Variants in TRPC6 observed in about 807,000 individuals in gnomAD.
TRPC6 encodes transient receptor potential cation channel subfamily C member 6.
Under a neutral mutation model 90.7 loss-of-function variants are expected in TRPC6, and 55 were observed. The observed-to-expected ratio is 0.61, with a 90% CI of 0.49 to 0.76. The LOEUF is 0.76. Among genes scored for constraint, TRPC6 ranks in the 30% least tolerant of loss-of-function variants. TRPC6 has a pLI of 0.00. For missense variants in TRPC6, 989 were observed against 1,122.7 expected (o/e 0.88, Z 1.70); for synonymous variants, 393 against 393.0 (o/e 1.00, Z 0.00).
chr11:101,488,870 A>G, intron 4 of TRPC6, 67 bp downstream of exon 4: 1 of 1,581,318 alleles, frequency 6.3e-7, no homozygotes, highest in East Asian at 2.2e-5. Context: ...CACTTTGGAG[A>G]TAAGATTTTT....
At chr11:101,561,760 C>T (rs1028546589) in intron 1 of TRPC6, among the ~76,000 whole-genome samples, 3 of 151,180 alleles carry the variant, frequency 2.0e-5, no homozygotes, top group Admixed American at 6.6e-5. Context: ...AAAACAATTA[C>T]AATATAAGCA....
intron 1 of TRPC6, among the ~76,000 whole-genome samples, chr11:101,507,006 A>AACACACACACACAC (rs10590147): frequency 9.9e-5 from 13 of 131,082 alleles, no homozygotes; most frequent in African/African-American, 3.4e-4. Context: ...CTCTCTCTCT[A>AACACACACACACAC]ACACACACAC....
intron 1 of TRPC6, among the ~76,000 whole-genome samples, chr11:101,534,197 G>A (rs1004735014): frequency 3.9e-5 from 6 of 151,928 alleles, no homozygotes; most frequent in Admixed American, 2.6e-4. Context: ...GTGCAGTGGC[G>A]CCATCTCAGC....
chr11:101,538,695 A>C (rs1322145127), intron 1 of TRPC6, among the ~76,000 whole-genome samples: 1 of 152,246 alleles, frequency 6.6e-6, no homozygotes, highest in Non-Finnish European at 1.5e-5. Flanking sequence ...CAGGAGACGT[A>C]AGGCAGAATG....
At chr11:101,505,580 C>T (rs922032696) in intron 1 of TRPC6, among the ~76,000 whole-genome samples, 1 of 152,096 alleles carries the variant, frequency 6.6e-6, no homozygotes, top group Admixed American at 6.6e-5. Context: ...GCAATAAATG[C>T]TTGAACTCTG....
At chr11:101,497,227 CAG>C (rs1224546485) in intron 2 of TRPC6, among the ~76,000 whole-genome samples, 2 of 152,184 alleles carry the variant, frequency 1.3e-5, no homozygotes, top group Non-Finnish European at 2.9e-5. Flanking sequence ...CTGTAAATAA[CAG>C]AATAATTCAT....
intron 1 of TRPC6, among the ~76,000 whole-genome samples, chr11:101,567,545 C>G (rs1450819193): frequency 6.6e-6 from 1 of 152,196 alleles, no homozygotes; most frequent in African/African-American, 2.4e-5. Flanking sequence ...GCAAGTGGTT[C>G]CCTGAACCCC....
At chr11:101,540,657 T>G (rs1861147351) in intron 1 of TRPC6, among the ~76,000 whole-genome samples, 1 of 152,204 alleles carries the variant, frequency 6.6e-6, no homozygotes, top group Non-Finnish European at 1.5e-5. Flanking sequence ...TAACTTAATA[T>G]TAAAAATAAT....
chr11:101,527,343 A>G (rs943305584), intron 1 of TRPC6, among the ~76,000 whole-genome samples: 1 of 152,190 alleles, frequency 6.6e-6, no homozygotes, highest in Non-Finnish European at 1.5e-5. Context: ...ATATTTAATT[A>G]TAATACAAAC....
chr11:101,506,686 A>G (rs926861044), intron 1 of TRPC6, among the ~76,000 whole-genome samples: 3 of 152,168 alleles, frequency 2.0e-5, no homozygotes, highest in Non-Finnish European at 4.4e-5. Flanking sequence ...AATTTCTAAA[A>G]TGGGTCATTA....
At position 101,471,385 on chromosome 11, in the gene TRPC6, T is replaced by C; in HGVS notation, c.2207A>G (p.Asp736Gly). The C allele has an allele frequency of 1.2e-6, 2 of 1,613,734 alleles. No homozygotes were observed. Among genetic ancestry groups the C allele is most frequent in the Non-Finnish European group, 1.7e-6 (2 of 1,179,778 alleles). ...AAATTTCCACTCCACATCAGCGTCA[T>C]CCTATACAAATACACATGACAGTTC... ...MINSSFQEIE[D>G]DADVEWKFAR... The change falls in exon 9 of 13, where the codon GAT becomes GGT. Residue 736 changes from aspartate (D) to glycine (G), a missense_variant and splice_region_variant. By Grantham distance (94) the Asp-to-Gly change is moderately conservative (BLOSUM62 -1). This residue lies in a region of TRPC6 where 118 missense variants were observed against 197.6 expected (regional missense o/e 0.60). Coordinates refer to ENST00000344327, the MANE Select transcript of TRPC6 (RefSeq NM_004621.6).
Position 101,491,684 on chromosome 11 carries a change from C to G in TRPC6, c.1000G>C (p.Asp334His). ...ACTTCTTCAGTGTTTCTGCACAGAT[C>G]AAGGAGTCCAACAACAAAGTCTTTG... The part of the protein sequence containing the change: ...QCKDFVVGLL[D>H]LCRNTEEVEA... The change falls in exon 3 of 13, where the codon GAT becomes CAT. Residue 334 changes from aspartate to histidine, a missense_variant. Transcript: ENST00000344327. The G allele has an allele frequency of 6.2e-7, 1 of 1,613,920 alleles. No individual in the cohort carries two copies. The highest frequency in any genetic ancestry group is 8.5e-7 in the Non-Finnish European group (1 of 1,179,988).
chr11:101,572,468 G>A (rs1275819097), intron 1 of TRPC6, among the ~76,000 whole-genome samples: 1 of 152,148 alleles, frequency 6.6e-6, no homozygotes, highest in Non-Finnish European at 1.5e-5. Context: ...CAAGTGTCTA[G>A]AACTAGAAAT....
chr11:101,491,212 C>T (rs1565214789), intron 3 of TRPC6, among the ~76,000 whole-genome samples: 1 of 151,960 alleles, frequency 6.6e-6, no homozygotes, highest in South Asian at 2.1e-4. Flanking sequence ...TTTAGGAGGC[C>T]GAGGCGGGCG....
chr11:101,523,867 A>T (rs578061560), intron 1 of TRPC6, among the ~76,000 whole-genome samples: 24 of 152,362 alleles, frequency 1.6e-4, no homozygotes, highest in African/African-American at 5.5e-4. Flanking sequence ...TTCAGAATGG[A>T]GATGGTGATT....
intron 1 of TRPC6, among the ~76,000 whole-genome samples, chr11:101,569,940 G>A (rs901925304): frequency 4.6e-5 from 7 of 151,618 alleles, no homozygotes; most frequent in Admixed American, 1.3e-4. Flanking sequence ...ATTGACACCC[G>A]AACATCATAA....
intron 10 of TRPC6, 82 bp downstream of exon 10, chr11:101,469,345 T>C: frequency 1.4e-6 from 1 of 704,350 alleles, no homozygotes. Context: ...CTTGCTAAAA[T>C]TGCTTCTGAA....
Position 101,480,384 on chromosome 11 carries a change from G to A in TRPC6, c.1510+2565C>T, listed in dbSNP as rs1056475383. Among the ~76,000 whole-genome samples, 10 of 151,870 alleles carry A rather than the reference G, an allele frequency of 6.6e-5. 1 individual carries two copies. The highest frequency in any genetic ancestry group is 6.6e-4 in the Admixed American group (10 of 15,250). ...TTAGAGACTGCAGTCACTACCTACC[G>A]GTCCAAGGCAGAACCCACAGCTCCT... On this transcript the variant is annotated intron_variant, in intron 5 of 12. Coordinates refer to ENST00000344327, the MANE Select transcript of TRPC6 (RefSeq NM_004621.6).
intron 10 of TRPC6, among the ~76,000 whole-genome samples, chr11:101,466,007 CTTTG>C (rs1180202462): frequency 6.6e-6 from 1 of 152,098 alleles, no homozygotes; most frequent in African/African-American, 2.4e-5. Flanking sequence ...CGTGCTATTC[CTTTG>C]TTAGTTTTCC....
Sources: allele counts gnomAD v4.1 joint callset (sites outside exome capture counted in the v4.1 genomes callset), GRCh38; gene constraint gnomAD v4.1.1; regional missense constraint gnomAD v4.1.1; transcripts MANE v1.5; gene names NCBI Gene and HGNC (gene_info 2026-07-23, HGNC 2026-07-21).